EGLN3: variants seen among roughly 807,000 people sequenced by gnomAD.
EGLN3 encodes prolyl hydroxylase EGLN3.
In EGLN3, 15 loss-of-function variants were observed where a neutral mutation model predicts 26.0. The ratio of observed to expected loss-of-function variants is 0.58; its 90% CI spans 0.39 to 0.89. The LOEUF (loss-of-function observed/expected upper bound fraction) is 0.89. Among genes scored for constraint, EGLN3 ranks in the 40% least tolerant of loss-of-function variants. The pLI, the probability that EGLN3 is intolerant of heterozygous loss-of-function variation, is 0.00. For missense variants in EGLN3, 238 were observed against 311.6 expected, an observed-to-expected ratio of 0.76 and a Z score of 1.78; for synonymous variants, 147 against 127.2, an observed-to-expected ratio of 1.16 and a Z score of -1.05.
intron 2 of EGLN3, 140 bp downstream of exon 2, chr14:33,930,956 G>C: frequency 1.6e-6 from 2 of 1,271,484 alleles, no homozygotes; most frequent in Middle Eastern, 2.9e-4. Flanking sequence ...TGTCGCAGGA[G>C]GTTATGAAAT....
chr14:33,924,788 G>A lies in EGLN3; in HGVS notation c.*1103C>T, dbSNP rs1218078041. 6.6e-6 allele frequency: 1 copy of A among 152,062 alleles called. No homozygotes were observed. 9.4% of individuals were successfully genotyped at this position (152,062 alleles called of 1,614,324 possible). On this transcript the variant is annotated 3_prime_UTR_variant, in exon 5 of 5. Transcript: ENST00000250457. The stretch of plus-strand genomic sequence containing the variant: ...GATTCTGGTCATACTGCCAACCACA[G>A]TGGATCTAGAGAGCCAAGTGAGCTG...
chr14:33,949,969 C>A (rs2064545492), intron 1 of EGLN3: 1 of 339,186 alleles, frequency 2.9e-6, no homozygotes. Context: ...GTAGAAATCT[C>A]TTCTGACCAC....
At chr14:33,948,829 A>G (rs1200015910) in intron 1 of EGLN3, 1 of 152,210 alleles carries the variant, frequency 6.6e-6, no homozygotes, top group Non-Finnish European at 1.5e-5. Flanking sequence ...TTAAAAACCC[A>G]ATAAGAAGCC....
rs779061851 is a variant in EGLN3, at chr14:33,929,271, A to G, written c.478-59T>C. ...CCTCTCATGTAGTTTATCAACAACC[A>G]TATTTCAGCTCCATTTAGAAACATG... is the stretch of plus-strand genomic sequence containing the variant. On this transcript the variant is annotated intron_variant, in intron 2 of 4. Transcript: ENST00000250457. 4.4e-6 allele frequency: 7 copies of G among 1,590,346 alleles called. No homozygotes were observed. The East Asian group carries it at 1.3e-4, about 31-fold the overall frequency.
intron 2 of EGLN3, among the ~76,000 whole-genome samples, chr14:33,930,308 G>T (rs374541443): frequency 3.9e-5 from 6 of 152,268 alleles, no homozygotes; most frequent in Admixed American, 1.3e-4. Context: ...GAAGAGATAG[G>T]CCTTTTCACT....
At position 33,931,412 on chromosome 14, in the gene EGLN3, T is replaced by C. The variant is rs1594376503; in HGVS notation, c.358-197A>G. 5 of 662,086 alleles carry C rather than the reference T, an allele frequency of 7.6e-6. 1 individual carries two copies. In the East Asian group the frequency reaches 1.4e-4, roughly 19 times the overall value. The allele number at this position is 662,086 out of a possible 1,614,324, so 41.0% of individuals were successfully genotyped here. On this transcript the variant is annotated intron_variant, in intron 1 of 4. Transcript: ENST00000250457. ...CAATGGCCAGGTCATACTATGGCTCTGCCCAGTGGAAAGTAGTTCAACAAT... is the reference window on the plus strand; with the variant it reads ...CAATGGCCAGGTCATACTATGGCTCCGCCCAGTGGAAAGTAGTTCAACAAT...
chr14:33,947,596 G>A (rs2064526822), intron 1 of EGLN3, among the ~76,000 whole-genome samples: 3 of 152,132 alleles, frequency 2.0e-5, no homozygotes, highest in Non-Finnish European at 4.4e-5. Flanking sequence ...ATTTGGGTAA[G>A]TGCATGAATA....
At chr14:33,944,609 C>T (rs370205212) in intron 1 of EGLN3, among the ~76,000 whole-genome samples, 1 of 152,162 alleles carries the variant, frequency 6.6e-6, no homozygotes, top group South Asian at 2.1e-4. Flanking sequence ...GTTCTGGTTG[C>T]TTCATTTTAA....
At chr14:33,949,608 A>G (rs2064542456) in intron 1 of EGLN3, 1 of 152,250 alleles carries the variant, frequency 6.6e-6, no homozygotes, top group Non-Finnish European at 1.5e-5. Context: ...TTTTTCTGCC[A>G]ATCTACCTGT....
At position 33,942,256 on chromosome 14, in the gene EGLN3, T is replaced by C. The variant is rs539769133; in HGVS notation, c.357+8140A>G. ...GATTTTTCTACTAAGAAAGGGCCCC[T>C]CAAGGATTTTTCTACTAAGAAAGGA... On this transcript the variant is annotated intron_variant, in intron 1 of 4. Coordinates refer to ENST00000250457, the MANE Select transcript of EGLN3 (RefSeq NM_022073.4). Among the ~76,000 whole-genome samples, 19 of 150,260 alleles carry C rather than the reference T, an allele frequency of 1.3e-4. No homozygotes were observed. The East Asian group carries it at 3.3e-3, about 26-fold the overall frequency.
At position 33,950,381 on chromosome 14, in the gene EGLN3, C is replaced by T. The variant is rs1290416988; in HGVS notation, c.357+15G>A. 3.7e-6 allele frequency: 6 copies of T among 1,612,206 alleles called. No homozygotes were observed. The South Asian group carries it at 5.5e-5, about 15-fold the overall frequency. On this transcript the variant is annotated intron_variant, in intron 1 of 4. Transcript: ENST00000250457. ...CCGCGGGAGCAGCTGCGGCAGGGCG[C>T]CGAGCGCGTCCTACCTTAGACCTCT...
chr14:33,946,352 C>T (rs1034908166), intron 1 of EGLN3, among the ~76,000 whole-genome samples: 5 of 151,472 alleles, frequency 3.3e-5, no homozygotes, highest in African/African-American at 1.2e-4. Flanking sequence ...CTCCAACCTG[C>T]GCAACAGGAG....
chr14:33,937,624 A>G (rs998033269), intron 1 of EGLN3, among the ~76,000 whole-genome samples: 1 of 152,174 alleles, frequency 6.6e-6, no homozygotes, highest in African/African-American at 2.4e-5. Flanking sequence ...AATAAACCCC[A>G]AATTATTCAT....
intron 3 of EGLN3, among the ~76,000 whole-genome samples, chr14:33,928,737 C>A (rs1341824098): frequency 6.6e-6 from 1 of 151,762 alleles, no homozygotes; most frequent in African/African-American, 2.4e-5. Flanking sequence ...CCAACATTCT[C>A]TAGGCATAGT....
At position 33,925,668 on chromosome 14, in the gene EGLN3, T is replaced by C. The variant is rs867291941; in HGVS notation, c.*223A>G. 14 of 575,102 alleles carry C rather than the reference T, an allele frequency of 2.4e-5. No homozygotes were observed. In the Middle Eastern group the frequency reaches 1.7e-3, roughly 69 times the overall value. The allele number at this position is 575,102 out of a possible 1,614,324, so 35.6% of individuals were successfully genotyped here. A position where few individuals can be genotyped will look rare whatever the true frequency, so the allele number is the denominator to read the frequency against. ...CGAGTAGGATGTCTGCAGGAATTTCTGGAGTTAGCAAGTAACTTCATCTGG... is the reference window on the plus strand; with the variant it reads ...CGAGTAGGATGTCTGCAGGAATTTCCGGAGTTAGCAAGTAACTTCATCTGG... On this transcript the variant is annotated 3_prime_UTR_variant, in exon 5 of 5. Coordinates refer to ENST00000250457, the MANE Select transcript of EGLN3 (RefSeq NM_022073.4).
At chr14:33,941,945 G>A (rs1009621530) in intron 1 of EGLN3, among the ~76,000 whole-genome samples, 7 of 152,166 alleles carry the variant, frequency 4.6e-5, no homozygotes, top group African/African-American at 1.7e-4. Flanking sequence ...GGAAGGCAGT[G>A]GTGGGAAATT....
chr14:33,950,320 A>C, intron 1 of EGLN3, 76 bp downstream of exon 1: 9 of 1,341,800 alleles, frequency 6.7e-6, no homozygotes, highest in Non-Finnish European at 7.5e-6. Context: ...GGCCCTGGGA[A>C]GTCGACATAC....
Position 33,930,849 on chromosome 14 carries a change from C to T in EGLN3, c.477+247G>A, listed in dbSNP as rs772798480. 6.6e-5 allele frequency among the ~76,000 whole-genome samples: 10 copies of T among 152,148 alleles called. 1 individual carries two copies. Among genetic ancestry groups the T allele is most frequent in the Non-Finnish European group, 1.5e-4 (10 of 68,022 alleles). The stretch of plus-strand genomic sequence containing the variant: ...TATCAAATTACCTTCCCTTCATCAA[C>T]CACCCTTCCCAGAGGTAGGGTTAAT... On this transcript the variant is annotated intron_variant, in intron 2 of 4. Coordinates refer to ENST00000250457, the MANE Select transcript of EGLN3 (RefSeq NM_022073.4).
At position 33,950,798 on chromosome 14, in the gene EGLN3, G is replaced by A. The variant is rs777512598; in HGVS notation, c.-46C>T. The A allele has an allele frequency of 7.4e-7, 1 of 1,353,188 alleles. No homozygotes were observed. Among genetic ancestry groups the A allele is most frequent in the Non-Finnish European group, 9.8e-7 (1 of 1,024,382 alleles). 83.8% of individuals were successfully genotyped at this position (1,353,188 alleles called of 1,614,324 possible). A position where few individuals can be genotyped will look rare whatever the true frequency, so the allele number is the denominator to read the frequency against. ...CCGGGATCCCCAGCGTGCAACCAGA[G>A]AGGGAACGATCTACACGAGCGCGAA... On this transcript the variant is annotated 5_prime_UTR_variant, in exon 1 of 5. Coordinates refer to ENST00000250457, the MANE Select transcript of EGLN3 (RefSeq NM_022073.4).
Sources: allele counts gnomAD v4.1 joint callset (sites outside exome capture counted in the v4.1 genomes callset), GRCh38; gene constraint gnomAD v4.1.1; transcripts MANE v1.5; gene names NCBI Gene and HGNC (gene_info 2026-07-23, HGNC 2026-07-21).